Variants in BACE2 observed in about 807,000 individuals in gnomAD.
BACE2 encodes beta-secretase 2.
Under a neutral mutation model 46.2 loss-of-function variants are expected in BACE2, and 17 were observed. That is an observed-to-expected ratio of 0.37 (90% CI 0.25 to 0.55). BACE2 has a LOEUF of 0.55. Ranked by LOEUF, BACE2 falls within the 20% of genes least tolerant of loss-of-function variation. The pLI is 0.82. For synonymous variants in BACE2, 277 were observed against 295.9 expected (o/e 0.94, Z 0.66); for missense variants, 595 against 698.1 (o/e 0.85, Z 1.66).
At position 41,265,409 on chromosome 21, in the gene BACE2, C is replaced by T. The variant is rs548872347; in HGVS notation, c.1303+8083C>T. Among the ~76,000 whole-genome samples the T allele has an allele frequency of 6.7e-4, 102 of 152,160 alleles. 1 individual carries two copies. The highest frequency in any genetic ancestry group is 1.1e-3 in the Non-Finnish European group (72 of 68,002). On this transcript the variant is annotated intron_variant, in intron 8 of 8. Transcript: ENST00000330333. Reference sequence around the variant, plus strand: ...TTTGTAATTTTAATGAATATCACTTCGTTACCTTCCATAGAGCTTATATTC... The same window carrying T: ...TTTGTAATTTTAATGAATATCACTTTGTTACCTTCCATAGAGCTTATATTC...
rs752310457 is a variant in BACE2, at chr21:41,282,444, A to G, written c.*6820A>G. 4.6e-5 allele frequency: 7 copies of G among 152,212 alleles called. No homozygotes were observed. Among genetic ancestry groups the G allele is most frequent in the Non-Finnish European group, 8.8e-5 (6 of 68,020 alleles). 9.4% of individuals were successfully genotyped at this position (152,212 alleles called of 1,614,324 possible). On this transcript the variant is annotated 3_prime_UTR_variant, in exon 9 of 9. Transcript: ENST00000330333. ...AGTTTTCTAAAATAATCTTATTTTT[A>G]TACTTGTATGTTCCAGCAATTTAAG...
chr21:41,178,814 G>A (rs187916255), intron 1 of BACE2: 1 of 233,082 alleles, frequency 4.3e-6, no homozygotes, highest in Admixed American at 5.1e-5. Context: ...GACAGAGAGA[G>A]TCTTGGCTTT....
chr21:41,212,705 C>T (rs1286718381), intron 1 of BACE2, among the ~76,000 whole-genome samples: 1 of 152,120 alleles, frequency 6.6e-6, no homozygotes, highest in Non-Finnish European at 1.5e-5. Flanking sequence ...AGGGCTGCTC[C>T]CAGGAGCATT....
At chr21:41,257,595 C>T (rs773028230) in intron 8 of BACE2, among the ~76,000 whole-genome samples, 1 of 152,044 alleles carries the variant, frequency 6.6e-6, no homozygotes, top group Non-Finnish European at 1.5e-5. Context: ...AAAAATATGC[C>T]GTGAAACCTT....
chr21:41,226,606 T>G (rs768328722), intron 2 of BACE2, among the ~76,000 whole-genome samples: 4 of 152,226 alleles, frequency 2.6e-5, no homozygotes, highest in Non-Finnish European at 5.9e-5. Flanking sequence ...AAAATCCAAG[T>G]CAAACACAAC....
At chr21:41,264,214 CT>C (rs888446773) in intron 8 of BACE2, among the ~76,000 whole-genome samples, 254 of 146,534 alleles carry the variant, frequency 1.7e-3, no homozygotes, top group African/African-American at 5.4e-3. Context: ...GTTTGGGGGT[CT>C]TTTTTTTTTC....
intron 8 of BACE2, among the ~76,000 whole-genome samples, 182 bp downstream of exon 8, chr21:41,257,508 C>T (rs1349431942): frequency 6.6e-6 from 1 of 152,210 alleles, no homozygotes; most frequent in Non-Finnish European, 1.5e-5. Flanking sequence ...AATTAAATGA[C>T]ATCATCCATG....
chr21:41,236,767 C>G (rs1329265089), intron 2 of BACE2: 1 of 152,268 alleles, frequency 6.6e-6, no homozygotes, highest in Admixed American at 6.5e-5. Context: ...ATGCCGGCAC[C>G]TACCCGTGTC....
At chr21:41,227,364 C>T (rs979841380) in intron 2 of BACE2, among the ~76,000 whole-genome samples, 6 of 152,170 alleles carry the variant, frequency 3.9e-5, no homozygotes, top group African/African-American at 1.4e-4. Context: ...TTCTCGCTTT[C>T]CTTATCCTCA....
At position 41,278,416 on chromosome 21, in the gene BACE2, T is replaced by C. The variant is rs540551817; in HGVS notation, c.*2792T>C. The C allele has an allele frequency of 6.6e-6, 1 of 152,344 alleles. No homozygotes were observed. The highest frequency in any genetic ancestry group is 1.9e-4 in the East Asian group (1 of 5,190). 9.4% of individuals were successfully genotyped at this position (152,344 alleles called of 1,614,324 possible). A position where few individuals can be genotyped will look rare whatever the true frequency, so the allele number is the denominator to read the frequency against. On this transcript the variant is annotated 3_prime_UTR_variant, in exon 9 of 9. Transcript: ENST00000330333. Reference sequence around the variant, plus strand: ...TCCCAGCATATACTGTACACTATTTTGTATTTCTCCTGAACCAAAACCAAG... The same window carrying C: ...TCCCAGCATATACTGTACACTATTTCGTATTTCTCCTGAACCAAAACCAAG...
rs1009677349 is a variant in BACE2 at position 41,279,293 on chromosome 21, T to G, written c.*3669T>G. ...TGCTAACAAAATAAGCAGTACATAT[T>G]TTTTTAGAAAATGCAGTTTAGGCCA... On this transcript the variant is annotated 3_prime_UTR_variant, in exon 9 of 9. Transcript: ENST00000330333. 6 of 152,126 alleles carry G rather than the reference T, an allele frequency of 3.9e-5. No individual in the cohort carries two copies. The highest frequency in any genetic ancestry group is 8.8e-5 in the Non-Finnish European group (6 of 68,014). 9.4% of individuals were successfully genotyped at this position (152,126 alleles called of 1,614,324 possible). A position where few individuals can be genotyped will look rare whatever the true frequency, so the allele number is the denominator to read the frequency against.
chr21:41,241,209 G>A (rs933972457), intron 3 of BACE2, among the ~76,000 whole-genome samples: 21 of 152,164 alleles, frequency 1.4e-4, no homozygotes, highest in African/African-American at 3.6e-4. Flanking sequence ...CAGAGCACAC[G>A]AGGGCTTCTG....
chr21:41,247,154 G>C (rs756319487), intron 6 of BACE2, among the ~76,000 whole-genome samples: 2 of 152,158 alleles, frequency 1.3e-5, no homozygotes, highest in Non-Finnish European at 1.5e-5. Flanking sequence ...ACGTATGGTG[G>C]GTGCCTTGTT....
intron 2 of BACE2, among the ~76,000 whole-genome samples, chr21:41,234,970 A>G (rs2123589968): frequency 6.6e-6 from 1 of 152,324 alleles, no homozygotes; most frequent in East Asian, 1.9e-4. Context: ...GGTGGAGTGA[A>G]CCAAGATAGT....
chr21:41,268,864 G>A (rs2088405123), intron 8 of BACE2, among the ~76,000 whole-genome samples: 1 of 152,180 alleles, frequency 6.6e-6, no homozygotes, highest in African/African-American at 2.4e-5. Context: ...ATGAACTCAG[G>A]CATTCAACTG....
chr21:41,175,694 A>AG (rs1459686378), intron 1 of BACE2: 1 of 152,394 alleles, frequency 6.6e-6, no homozygotes, highest in Non-Finnish European at 1.5e-5. Context: ...GGGGGTGGTG[A>AG]GGGGTAGGAG....
chr21:41,260,790 C>T (rs1027392923), intron 8 of BACE2, among the ~76,000 whole-genome samples: 23 of 152,126 alleles, frequency 1.5e-4, no homozygotes, highest in Admixed American at 5.2e-4. Flanking sequence ...TGGGAGGGGA[C>T]GACGCAGGTA....
chr21:41,269,187 C>G (rs561742432), intron 8 of BACE2, among the ~76,000 whole-genome samples: 3 of 152,280 alleles, frequency 2.0e-5, no homozygotes, highest in African/African-American at 7.2e-5. Flanking sequence ...CTCCTGACCT[C>G]AGGTTATCTA....
At chr21:41,187,409 C>T (rs1403416641) in intron 1 of BACE2, among the ~76,000 whole-genome samples, 1 of 152,182 alleles carries the variant, frequency 6.6e-6, no homozygotes, top group Non-Finnish European at 1.5e-5. Context: ...TACTGTGTGC[C>T]TAGAACAACC....
Sources: gnomAD v4.1 joint callset for allele counts (sites outside exome capture counted in the v4.1 genomes callset) on GRCh38, gnomAD v4.1.1 for gene constraint, MANE v1.5 for transcripts, NCBI Gene and HGNC (gene_info 2026-07-23, HGNC 2026-07-21) for gene names.